Variants in PIK3R3 observed in about 807,000 individuals in gnomAD.
PIK3R3 encodes the protein phosphoinositide-3-kinase regulatory subunit 3.
Under a neutral mutation model 62.9 loss-of-function variants are expected in PIK3R3, and 64 were observed. The ratio of observed to expected loss-of-function variants is 1.02; its 90% CI spans 0.83 to 1.25. The LOEUF (loss-of-function observed/expected upper bound fraction) is 1.25. Among genes scored for constraint, PIK3R3 ranks in the 50% most tolerant of loss-of-function variants. The pLI is 0.00. For synonymous variants in PIK3R3, 165 were observed against 189.0 expected (o/e 0.87, Z 1.04); for missense variants, 614 against 561.6 (o/e 1.09, Z -0.94).
chr1:46,127,538 C>A (rs989368078), intron 1 of PIK3R3, among the ~76,000 whole-genome samples: 1 of 152,082 alleles, frequency 6.6e-6, no homozygotes, highest in Non-Finnish European at 1.5e-5. Flanking sequence ...TAGCTACAAC[C>A]TTTTGTGTAT....
rs1647833465 is a variant in PIK3R3, at chr1:46,055,802, G to A, written c.934C>T (p.His312Tyr). The change falls in exon 7 of 10, where the codon CAC becomes TAC. Residue 312 changes from histidine (H) to tyrosine (Y), a missense_variant. Coordinates refer to ENST00000262741, the MANE Select transcript of PIK3R3 (RefSeq NM_003629.4). ...LIQLRKIRDQ[H>Y]LVWLNHKGVR... Reference sequence around the variant, plus strand: ...CACTCCCAGACTACTTACACAAGGTGTTGATCTCGGATCTTTCGCAGCTGG... The same window carrying A: ...CACTCCCAGACTACTTACACAAGGTATTGATCTCGGATCTTTCGCAGCTGG... 6.3e-7 allele frequency: 1 copy of A among 1,587,724 alleles called. No individual in the cohort carries two copies. The highest frequency in any genetic ancestry group is 1.2e-5 in the South Asian group (1 of 86,224).
chr1:46,056,905 A>C (rs785465), intron 6 of PIK3R3: 102,479 of 152,118 alleles, frequency 0.67, 34,770 homozygotes, highest in Non-Finnish European at 0.71. Context: ...GCCTACCTAC[A>C]TCTGAATCTC....
chr1:46,124,078 A>C (rs1485714219), intron 1 of PIK3R3, among the ~76,000 whole-genome samples: 1 of 152,210 alleles, frequency 6.6e-6, no homozygotes, highest in Admixed American at 6.5e-5. Context: ...AAAATAGCTC[A>C]AAGGTTTTGA....
upstream of PIK3R3, chr1:46,132,980 G>C (rs529975066): frequency 1.4e-3 from 1,568 of 1,102,586 alleles, 1 homozygote; most frequent in Non-Finnish European, 1.4e-3. Flanking sequence ...GCCAGGCGAG[G>C]AGGGAGTGGG....
chr1:46,091,967 C>T (rs957259417), intron 1 of PIK3R3, among the ~76,000 whole-genome samples: 3 of 151,984 alleles, frequency 2.0e-5, no homozygotes, highest in African/African-American at 4.8e-5. Flanking sequence ...TTTTTTCACA[C>T]ACACCCTGAA....
chr1:46,085,942 G>A (rs573447770), intron 1 of PIK3R3, among the ~76,000 whole-genome samples: 3 of 152,012 alleles, frequency 2.0e-5, no homozygotes, highest in Admixed American at 6.6e-5. Flanking sequence ...GTCTCATTAC[G>A]TTGCCCAAGC....
the PIK3R3 span, among the ~76,000 whole-genome samples, chr1:46,144,468 A>G: frequency 4.6e-5 from 7 of 152,220 alleles, no homozygotes; most frequent in Admixed American, 1.3e-4. Flanking sequence ...CAACCATTAA[A>G]TAAAAAATAC....
intron 1 of PIK3R3, among the ~76,000 whole-genome samples, chr1:46,086,207 T>C (rs1651039329): frequency 6.6e-6 from 1 of 152,224 alleles, no homozygotes; most frequent in African/African-American, 2.4e-5. Context: ...GTACACAAAC[T>C]GTTAATAGTG....
At chr1:46,064,671 G>T (rs1419061100) in intron 5 of PIK3R3, among the ~76,000 whole-genome samples, 1 of 151,694 alleles carries the variant, frequency 6.6e-6, no homozygotes. Flanking sequence ...CAAATATTTA[G>T]AAATTAAAAA....
the PIK3R3 span, among the ~76,000 whole-genome samples, chr1:46,154,650 G>A: frequency 1.4e-4 from 22 of 152,040 alleles, no homozygotes; most frequent in African/African-American, 5.1e-4. Flanking sequence ...ATAAGTGGAG[G>A]CCTCATTTTG....
Position 46,043,751 on chromosome 1 carries a change from G to A in PIK3R3, c.1308C>T (p.Ser436=). The A allele has an allele frequency of 1.9e-6, 3 of 1,614,244 alleles. No individual in the cohort carries two copies. The highest frequency in any genetic ancestry group is 2.7e-5 in the African/African-American group (2 of 75,072). Residue 436 remains serine, a synonymous_variant, in exon 10 of 10, where the codon TCC becomes TCT. Transcript: ENST00000262741. ...KELVLHYQQT[S]LVQHNDSLNV... Reference sequence around the variant, plus strand: ...TGAGGGAGTCGTTGTGCTGAACCAAGGATGTCTGCTGGTAATGGAGCACTA... The same window carrying A: ...TGAGGGAGTCGTTGTGCTGAACCAAAGATGTCTGCTGGTAATGGAGCACTA...
chr1:46,148,755 AG>A, the PIK3R3 span, among the ~76,000 whole-genome samples: 3 of 151,592 alleles, frequency 2.0e-5, no homozygotes, highest in East Asian at 5.8e-4. Flanking sequence ...AGAGAGAGAG[AG>A]AGAGAGAGAG....
intron 6 of PIK3R3, among the ~76,000 whole-genome samples, chr1:46,060,380 C>T (rs1037035678): frequency 1.3e-5 from 2 of 151,898 alleles, no homozygotes; most frequent in Non-Finnish European, 2.9e-5. Flanking sequence ...ATCCCAGCGA[C>T]TCAGGAGGCT....
chr1:46,107,153 C>T (rs1653292789), intron 1 of PIK3R3, among the ~76,000 whole-genome samples: 1 of 152,066 alleles, frequency 6.6e-6, no homozygotes, highest in African/African-American at 2.4e-5. Context: ...GTCAGGAATT[C>T]CAGACCGGCC....
chr1:46,127,062 C>T (rs1003654124), intron 1 of PIK3R3, among the ~76,000 whole-genome samples: 3 of 152,002 alleles, frequency 2.0e-5, no homozygotes, highest in South Asian at 2.1e-4. Context: ...AGGCTGGGCA[C>T]GGTGGCTCAT....
chr1:46,135,416 T>A (rs1251503811), upstream of PIK3R3, among the ~76,000 whole-genome samples: 1 of 152,220 alleles, frequency 6.6e-6, no homozygotes, highest in Non-Finnish European at 1.5e-5. Context: ...AATAGATTTA[T>A]GCAAGCTGCT....
chr1:46,124,420 A>G (rs917218181), intron 1 of PIK3R3, among the ~76,000 whole-genome samples: 3 of 152,202 alleles, frequency 2.0e-5, no homozygotes, highest in Admixed American at 2.0e-4. Context: ...ACATAGATAC[A>G]TTTATATTTT....
chr1:46,048,919 T>C (rs1036300770), intron 7 of PIK3R3, among the ~76,000 whole-genome samples: 3 of 152,128 alleles, frequency 2.0e-5, no homozygotes, highest in African/African-American at 7.2e-5. Context: ...AAACCTCAAA[T>C]AGCTTTAGTA....
chr1:46,100,880 G>T (rs1179343080), intron 1 of PIK3R3, among the ~76,000 whole-genome samples: 1 of 152,066 alleles, frequency 6.6e-6, no homozygotes, highest in Non-Finnish European at 1.5e-5. Flanking sequence ...GCTATAATGA[G>T]TATCTTTTTA....
Sources: gnomAD v4.1 joint callset for allele counts (sites outside exome capture counted in the v4.1 genomes callset) on GRCh38, gnomAD v4.1.1 for gene constraint, MANE v1.5 for transcripts, NCBI Gene and HGNC (gene_info 2026-07-23, HGNC 2026-07-21) for gene names.